The following SLIT3 variants were observed in gnomAD, a reference collection of about 807,000 sequenced individuals.
The protein encoded by SLIT3 is slit guidance ligand 3.
SLIT3 carries 68 observed loss-of-function variants against 184.0 expected under a neutral mutation model. The ratio of observed to expected loss-of-function variants is 0.37; its 90% CI spans 0.30 to 0.45. The LOEUF is 0.45. Ranked by LOEUF, SLIT3 falls within the 20% of genes least tolerant of loss-of-function variation. The pLI, the probability that SLIT3 is intolerant of heterozygous loss-of-function variation, is 1.00. For synonymous variants in SLIT3, 831 were observed against 828.6 expected (o/e 1.00, Z -0.05); for missense variants, 1,707 against 2,026.0 (o/e 0.84, Z 3.02).
At chr5:169,273,664 T>C (rs1247664156) in intron 1 of SLIT3, among the ~76,000 whole-genome samples, 1 of 152,204 alleles carries the variant, frequency 6.6e-6, no homozygotes, top group Non-Finnish European at 1.5e-5. Flanking sequence ...GAACGGCAAG[T>C]CTTGGAAAAT....
intron 27 of SLIT3, among the ~76,000 whole-genome samples, chr5:168,697,316 T>A (rs970295272): frequency 3.3e-5 from 5 of 152,156 alleles, no homozygotes; most frequent in African/African-American, 1.2e-4. Flanking sequence ...GAGTGTTAAA[T>A]CTCTTGGATA....
At chr5:169,030,727 G>GT (rs1756997938) in intron 4 of SLIT3, among the ~76,000 whole-genome samples, 1 of 152,012 alleles carries the variant, frequency 6.6e-6, no homozygotes, top group Non-Finnish European at 1.5e-5. Flanking sequence ...TTTCATCTTT[G>GT]TCTTATTTTA....
chr5:169,153,003 G>A (rs1762171205), intron 4 of SLIT3, among the ~76,000 whole-genome samples: 1 of 152,212 alleles, frequency 6.6e-6, no homozygotes. Flanking sequence ...CAGGTTAAAA[G>A]CATTCTAAAA....
chr5:169,152,751 A>T (rs1762160879), intron 4 of SLIT3, among the ~76,000 whole-genome samples: 1 of 152,142 alleles, frequency 6.6e-6, no homozygotes, highest in Non-Finnish European at 1.5e-5. Context: ...ATACTCAGAA[A>T]TATAGGGAAT....
At chr5:168,904,166 G>T (rs1760967832) in intron 4 of SLIT3, among the ~76,000 whole-genome samples, 1 of 152,130 alleles carries the variant, frequency 6.6e-6, no homozygotes, top group Admixed American at 6.5e-5. Flanking sequence ...TGCTGAGTAG[G>T]GGGAGACAAT....
intron 4 of SLIT3, among the ~76,000 whole-genome samples, chr5:168,958,730 G>A (rs903303069): frequency 1.3e-5 from 2 of 152,226 alleles, no homozygotes; most frequent in African/African-American, 4.8e-5. Context: ...GAGATCAGAA[G>A]GTCACCTGCA....
chr5:169,300,536 G>T lies in SLIT3; in HGVS notation c.174C>A (p.Gly58=). Residue 58 remains glycine (G), a synonymous_variant, in exon 1 of 36, where the codon GGC becomes GGA. Coordinates refer to ENST00000519560, the MANE Select transcript of SLIT3 (RefSeq NM_003062.4). This position sits in a 1 kb window ranked among gnomAD's most constrained non-coding sequence, Gnocchi z 4.1. ...ACAGGCGCTCAGCGTTGCGGGGGAT[G>T]CCCCGAGGAACCGCGCGGAGGCCCA... ...HGLGLRAVPR[G]IPRNAERLDL... The T allele has an allele frequency of 6.6e-7, 1 of 1,508,840 alleles. No homozygotes were observed. The allele number at this position is 1,508,840 out of a possible 1,614,324, so 93.5% of individuals were successfully genotyped here.
intron 4 of SLIT3, among the ~76,000 whole-genome samples, chr5:169,109,157 C>A (rs1760322776): frequency 6.6e-6 from 1 of 152,196 alleles, no homozygotes; most frequent in Non-Finnish European, 1.5e-5. Flanking sequence ...TATATGGCAA[C>A]AGGGATAGAA....
chr5:169,177,844 C>G (rs1336356768), intron 4 of SLIT3, among the ~76,000 whole-genome samples: 2 of 152,204 alleles, frequency 1.3e-5, no homozygotes, highest in Admixed American at 6.5e-5. Flanking sequence ...CCTTTCTCTT[C>G]CCTTCCTTTG....
At chr5:169,194,681 C>G (rs1348985896) in intron 3 of SLIT3, among the ~76,000 whole-genome samples, 1 of 152,186 alleles carries the variant, frequency 6.6e-6, no homozygotes, top group African/African-American at 2.4e-5. Context: ...GAAGTAGGCC[C>G]TGGGTCAGGG....
chr5:169,085,334 C>T (rs1759248777), intron 4 of SLIT3, among the ~76,000 whole-genome samples: 1 of 152,218 alleles, frequency 6.6e-6, no homozygotes, highest in African/African-American at 2.4e-5. Context: ...TGTCAGCAAC[C>T]TGGGGTTTCT....
chr5:168,952,528 C>CAAAAA (rs372134778), intron 4 of SLIT3, among the ~76,000 whole-genome samples: 62 of 77,878 alleles, frequency 8.0e-4, no homozygotes, highest in East Asian at 2.1e-3. Flanking sequence ...GGGAAAATGC[C>CAAAAA]AAAAAAAAAA....
chr5:168,918,284 A>G (rs944646070), intron 4 of SLIT3, among the ~76,000 whole-genome samples: 1 of 152,222 alleles, frequency 6.6e-6, no homozygotes, highest in African/African-American at 2.4e-5. Context: ...TCCAAAATTC[A>G]AGGTGTGGAG....
chr5:169,249,449 A>G (rs59663677), intron 2 of SLIT3, among the ~76,000 whole-genome samples: 8,751 of 152,300 alleles, frequency 0.057, 308 homozygotes, highest in Middle Eastern at 0.12. Flanking sequence ...TAAACTTTCT[A>G]TTTGCAGAAA....
rs759430012 is a variant in SLIT3, at chr5:168,748,424, C to G, written c.2148G>C (p.Glu716Asp). 1 of 1,524,546 alleles carries G rather than the reference C, an allele frequency of 6.6e-7. No individual in the cohort carries two copies. The highest frequency in any genetic ancestry group is 8.7e-7 in the Non-Finnish European group (1 of 1,148,174). 94.4% of individuals were successfully genotyped at this position (1,524,546 alleles called of 1,614,324 possible). A position where few individuals can be genotyped will look rare whatever the true frequency, so the allele number is the denominator to read the frequency against. ...IQDFTCDGNEESSCQLSPRCP... is the reference protein window; with the variant it reads ...IQDFTCDGNEDSSCQLSPRCP... ...AGCGCGGGCTCAGCTGGCAGCTACT[C>G]TCCTCGTTGCCTGTGGAGAGCCCCA... is the stretch of plus-strand genomic sequence containing the variant. The change falls in exon 20 of 36, where the codon GAG becomes GAC. Residue 716 changes from glutamate to aspartate, a missense_variant. By Grantham distance (45) the Glu-to-Asp change is conservative. This residue lies in a region of SLIT3 where 1,307 missense variants were observed against 1,511.6 expected (regional missense o/e 0.86). Transcript: ENST00000519560.
At chr5:169,061,723 G>GATGAA (rs1428872816) in intron 4 of SLIT3, among the ~76,000 whole-genome samples, 1 of 152,222 alleles carries the variant, frequency 6.6e-6, no homozygotes, top group Non-Finnish European at 1.5e-5. Flanking sequence ...CTAGGACAAC[G>GATGAA]ATGAAGCCAG....
intron 4 of SLIT3, among the ~76,000 whole-genome samples, chr5:168,891,628 G>A (rs1166919672): frequency 6.6e-6 from 1 of 152,198 alleles, no homozygotes; most frequent in East Asian, 1.9e-4. Flanking sequence ...TGAGGGTGAA[G>A]GCCTGAGGTC....
At chr5:168,685,525 T>C (rs1276185947) in intron 31 of SLIT3, among the ~76,000 whole-genome samples, 162 bp downstream of exon 31, 2 of 152,252 alleles carry the variant, frequency 1.3e-5, no homozygotes, top group African/African-American at 4.8e-5. Flanking sequence ...TCAGGAGTTA[T>C]CTATAGAACT....
intron 4 of SLIT3, among the ~76,000 whole-genome samples, chr5:168,930,333 C>T (rs573095469): frequency 1.3e-5 from 2 of 152,300 alleles, no homozygotes; most frequent in Admixed American, 6.5e-5. Flanking sequence ...TCTACACAAG[C>T]TTGCCAGAGA....
Sources: gnomAD v4.1 joint callset for allele counts (sites outside exome capture counted in the v4.1 genomes callset) on GRCh38, gnomAD v4.1.1 for gene constraint, gnomAD v4.1.1 regional missense constraint, Gnocchi (gnomAD v3.1) non-coding constraint, MANE v1.5 for transcripts, NCBI Gene and HGNC (gene_info 2026-07-23, HGNC 2026-07-21) for gene names.